The following TPR variants were observed in gnomAD, a reference collection of about 807,000 sequenced individuals.
TPR encodes the protein translocated promoter region, nuclear basket protein, also known as nucleoprotein TPR.
TPR carries 51 observed loss-of-function variants against 316.1 expected under a neutral mutation model. The observed-to-expected ratio is 0.16, with a 90% CI of 0.13 to 0.20. The LOEUF (loss-of-function observed/expected upper bound fraction) is 0.20. Among genes scored for constraint, TPR ranks in the 10% least tolerant of loss-of-function variants. The pLI, the probability that TPR is intolerant of heterozygous loss-of-function variation, is 1.00. For missense variants in TPR, 2,272 were observed against 2,754.8 expected, an observed-to-expected ratio of 0.82 and a Z score of 3.92; for synonymous variants, 981 against 914.7, an observed-to-expected ratio of 1.07 and a Z score of -1.31.
At chr1:186,337,177 A>G (rs1169228447) in intron 31 of TPR, 21 bp from the exon 32 acceptor site, 1 of 1,601,528 alleles carries the variant, frequency 6.2e-7, no homozygotes. Flanking sequence ...AAACAGTAAT[A>G]ATACACTCAC....
intron 43 of TPR, among the ~76,000 whole-genome samples, chr1:186,323,284 T>G (rs1657820946): frequency 6.6e-6 from 1 of 152,180 alleles, no homozygotes; most frequent in South Asian, 2.1e-4. Flanking sequence ...AGAAAAAATA[T>G]TCTTCTGTTA....
At position 186,323,192 on chromosome 1, in the gene TPR, G is replaced by A. The variant is rs74538784; in HGVS notation, c.6297+494C>T. 1.4e-3 allele frequency among the ~76,000 whole-genome samples: 210 copies of A among 152,122 alleles called. 1 individual carries two copies. The highest frequency in any genetic ancestry group is 4.7e-3 in the African/African-American group (196 of 41,522). On this transcript the variant is annotated intron_variant, in intron 43 of 50. Transcript: ENST00000367478. Reference sequence around the variant, plus strand: ...AAGTGCTTCTGATTAAGAGATGCCCGACCCTACTACATGCTAAATATAAGG... The same window carrying A: ...AAGTGCTTCTGATTAAGAGATGCCCAACCCTACTACATGCTAAATATAAGG...
At chr1:186,315,760 T>C (rs1375434459) in intron 49 of TPR, among the ~76,000 whole-genome samples, 1 of 151,166 alleles carries the variant, frequency 6.6e-6, no homozygotes, top group Non-Finnish European at 1.5e-5. Flanking sequence ...CTCCTGCTAC[T>C]CTCTGTTCTC....
chr1:186,360,968 GCAACAGATCA>G, intron 9 of TPR, 63 bp from the exon 10 acceptor site: 8 of 1,526,308 alleles, frequency 5.2e-6, no homozygotes, highest in Non-Finnish European at 7.1e-6. Flanking sequence ...TTTACAAAAT[GCAACAGATCA>G]GTCACTTCTC....
At chr1:186,369,166 C>T (rs1193794195) in intron 3 of TPR, among the ~76,000 whole-genome samples, 1 of 152,154 alleles carries the variant, frequency 6.6e-6, no homozygotes, top group African/African-American at 2.4e-5. Flanking sequence ...TAACAGTTTT[C>T]TAAATCATGA....
chr1:186,369,632 G>C (rs1659458714), intron 3 of TPR, among the ~76,000 whole-genome samples: 1 of 151,948 alleles, frequency 6.6e-6, no homozygotes, highest in South Asian at 2.1e-4. Flanking sequence ...AGCTCTGACA[G>C]GTTTTTGTGG....
At chr1:186,337,863 G>C (rs1658386899) in intron 31 of TPR, among the ~76,000 whole-genome samples, 170 bp downstream of exon 31, 1 of 151,764 alleles carries the variant, frequency 6.6e-6, no homozygotes, top group Non-Finnish European at 1.5e-5. Context: ...AAATTTGTGA[G>C]TTTATAATGC....
At chr1:186,337,923 C>T in intron 31 of TPR, 110 bp downstream of exon 31, 1 of 862,706 alleles carries the variant, frequency 1.2e-6, no homozygotes, top group Non-Finnish European at 1.7e-6. Flanking sequence ...ATCATATATG[C>T]TTACACGATT....
chr1:186,341,097 T>C lies in TPR; in HGVS notation c.3951A>G (p.Lys1317=), dbSNP rs370179427. ...LQEANAELSE[K]SGMLQAEKKL... ...TCTTCTCTGCCTGCAACATACCGCT[T>C]TTCTCACTCAGCTCAGCATTTGCTT... is the stretch of plus-strand genomic sequence containing the variant. Residue 1317 remains lysine (K), a synonymous_variant, in exon 29 of 51, where the codon AAA becomes AAG. Transcript: ENST00000367478. 1 of 1,614,146 alleles carries C rather than the reference T, an allele frequency of 6.2e-7. No individual in the cohort carries two copies. The highest frequency in any genetic ancestry group is 8.5e-7 in the Non-Finnish European group (1 of 1,180,018).
At chr1:186,374,571 C>T (rs1483865160) in intron 1 of TPR, among the ~76,000 whole-genome samples, 1 of 152,178 alleles carries the variant, frequency 6.6e-6, no homozygotes, top group East Asian at 1.9e-4. Context: ...GTACTCTAGG[C>T]TTAGAGAGAT....
intron 27 of TPR, chr1:186,342,799 T>C (rs939537583): frequency 1.3e-5 from 2 of 152,242 alleles, no homozygotes; most frequent in Admixed American, 1.3e-4. Flanking sequence ...CTTGTCTTAT[T>C]ATCATCCATT....
chr1:186,336,876 A>G, intron 32 of TPR, 137 bp downstream of exon 32: 1 of 1,395,568 alleles, frequency 7.2e-7, no homozygotes, highest in Non-Finnish European at 9.8e-7. Context: ...TACTACTTAC[A>G]TACATGAGCC....
At chr1:186,359,685 T>G in intron 12 of TPR, 114 bp downstream of exon 12, 1 of 1,065,948 alleles carries the variant, frequency 9.4e-7, no homozygotes, top group South Asian at 1.7e-5. Context: ...AATGTGTTTA[T>G]TGAAAATCGT....
intron 48 of TPR, among the ~76,000 whole-genome samples, 188 bp from the exon 49 acceptor site, chr1:186,317,788 T>C (rs1657654237): frequency 6.6e-6 from 1 of 152,206 alleles, no homozygotes; most frequent in Non-Finnish European, 1.5e-5. Flanking sequence ...AAATTGTTTT[T>C]TCCTCATTCC....
rs760780873 is a variant in TPR at position 186,351,411 on chromosome 1, T to A, written c.2529A>T (p.Lys843Asn). 1 of 1,612,424 alleles carries A rather than the reference T, an allele frequency of 6.2e-7. No individual in the cohort carries two copies. Among genetic ancestry groups the A allele is most frequent in the Non-Finnish European group, 8.5e-7 (1 of 1,179,268 alleles). ...TKQRLSSQIE[K>N]LEHEISHLKK... ...TTAGATGAGAGATCTCATGTTCCAG[T>A]TTTTCTATCTGGCTACTAAGCCTTT... is the stretch of plus-strand genomic sequence containing the variant. The change falls in exon 20 of 51, where the codon AAA becomes AAT. Residue 843 changes from lysine to asparagine, a missense_variant. Lys to Asn is a moderately conservative substitution (Grantham distance 94, BLOSUM62 0). This residue lies in a region of TPR where 757 missense variants were observed against 859.8 expected (regional missense o/e 0.88). Coordinates refer to ENST00000367478, the MANE Select transcript of TPR (RefSeq NM_003292.3).
At position 186,335,053 on chromosome 1, in the gene TPR, A is replaced by G. The variant is rs1658298474; in HGVS notation, c.4973+15T>C. 1.2e-6 allele frequency: 2 copies of G among 1,610,292 alleles called. No individual in the cohort carries two copies. Among genetic ancestry groups the G allele is most frequent in the East Asian group, 2.2e-5 (1 of 44,846 alleles). The stretch of plus-strand genomic sequence containing the variant: ...TAAAAGAAAAATAACAGACTATGAA[A>G]TAACTAAAACTCACATTCCTCTTTC... On this transcript the variant is annotated intron_variant, in intron 35 of 50. Coordinates refer to ENST00000367478, the MANE Select transcript of TPR (RefSeq NM_003292.3).
At chr1:186,335,981 A>C (rs1465403453) in intron 33 of TPR, among the ~76,000 whole-genome samples, 1 of 152,090 alleles carries the variant, frequency 6.6e-6, no homozygotes, top group Non-Finnish European at 1.5e-5. Flanking sequence ...ACAAAATCCA[A>C]CTGATTTGAC....
rs768430933 is a variant in TPR at position 186,361,883 on chromosome 1, C to A, written c.790-14G>T. The A allele has an allele frequency of 1.3e-5, 21 of 1,610,612 alleles. No homozygotes were observed. Among genetic ancestry groups the A allele is most frequent in the Non-Finnish European group, 1.5e-5 (18 of 1,178,096 alleles). ...TTGTTCCTTGGCCTGAAAAAAATAG[C>A]CCAATTATAGCAGTCTACTTTGAAC... On this transcript the variant is annotated splice_polypyrimidine_tract_variant and intron_variant, in intron 7 of 50. Transcript: ENST00000367478.
intron 10 of TPR, 113 bp downstream of exon 10, chr1:186,360,649 CGAT>C: frequency 7.5e-7 from 1 of 1,339,388 alleles, no homozygotes; most frequent in Non-Finnish European, 1.0e-6. Context: ...TAATATAACT[CGAT>C]GGAGTTTCCT....
Sources: allele counts gnomAD v4.1 joint callset (sites outside exome capture counted in the v4.1 genomes callset), GRCh38; gene constraint gnomAD v4.1.1; regional missense constraint gnomAD v4.1.1; transcripts MANE v1.5; gene names NCBI Gene and HGNC (gene_info 2026-07-23, HGNC 2026-07-21).